The following ALK variants were observed in gnomAD, a reference collection of about 807,000 sequenced individuals.
ALK encodes the protein ALK receptor tyrosine kinase.
A neutral mutation model predicts 163.1 loss-of-function variants in ALK; 74 were observed. That is an observed-to-expected ratio of 0.45 (90% CI 0.38 to 0.55). The LOEUF is 0.55. Ranked by LOEUF, ALK falls within the 20% of genes least tolerant of loss-of-function variation. ALK has a pLI of 0.00. For synonymous variants in ALK, 960 were observed against 843.2 expected (o/e 1.14, Z -2.40); for missense variants, 2,063 against 2,105.3 (o/e 0.98, Z 0.39).
rs959671385 is a variant in ALK, at chr2:29,206,328, G to A, written c.3938+843C>T. Reference sequence around the variant, plus strand: ...TCTTGCTTGCCCAGGCTGGAGTGGAGTGGCATGATCATAGCTCACTGCAGC... The same window carrying A: ...TCTTGCTTGCCCAGGCTGGAGTGGAATGGCATGATCATAGCTCACTGCAGC... On this transcript the variant is annotated intron_variant, in intron 26 of 28. Transcript: ENST00000389048. Among the ~76,000 whole-genome samples, 3 of 150,988 alleles carry A rather than the reference G, an allele frequency of 2.0e-5. No homozygotes were observed. In the South Asian group the frequency reaches 6.3e-4, roughly 32 times the overall value.
intron 1 of ALK, among the ~76,000 whole-genome samples, chr2:29,735,312 C>G (rs143793327): frequency 6.6e-6 from 1 of 152,088 alleles, no homozygotes; most frequent in African/African-American, 2.4e-5. Context: ...ATACTTTTGA[C>G]TGATTCTCTC....
At chr2:29,375,715 A>G (rs1242121006) in intron 5 of ALK, among the ~76,000 whole-genome samples, 1 of 152,198 alleles carries the variant, frequency 6.6e-6, no homozygotes, top group Non-Finnish European at 1.5e-5. Flanking sequence ...TGGCTAGTCT[A>G]TGGCAAGTAA....
At chr2:29,804,707 T>G (rs181387130) in intron 1 of ALK, among the ~76,000 whole-genome samples, 1 of 152,362 alleles carries the variant, frequency 6.6e-6, no homozygotes, top group Non-Finnish European at 1.5e-5. Context: ...TTGGAAAGTA[T>G]GCCCACCCTC....
At chr2:29,402,964 A>C (rs767104628) in intron 4 of ALK, among the ~76,000 whole-genome samples, 1 of 152,188 alleles carries the variant, frequency 6.6e-6, no homozygotes, top group African/African-American at 2.4e-5. Context: ...GTTGTGGCTC[A>C]AAGCAGCTGG....
At chr2:29,817,879 T>C (rs565812389) in intron 1 of ALK, among the ~76,000 whole-genome samples, 59 of 152,172 alleles carry the variant, frequency 3.9e-4, no homozygotes, top group Non-Finnish European at 7.9e-4. Flanking sequence ...ATGCCTTCTA[T>C]AGAAATTGTT....
Position 29,668,723 on chromosome 2 carries a change from A to T in ALK, c.952+26127T>A, listed in dbSNP as rs542218288. On this transcript the variant is annotated intron_variant, in intron 3 of 28. Coordinates refer to ENST00000389048, the MANE Select transcript of ALK (RefSeq NM_004304.5). ...GATTAGTTTATTCTGCACATGTATT[A>T]GTCTGTTCTCATGGTGCTAATAAAG... 3.3e-4 allele frequency among the ~76,000 whole-genome samples: 51 copies of T among 152,248 alleles called. No homozygotes were observed. In the Middle Eastern group the frequency reaches 0.01, roughly 30 times the overall value.
At chr2:29,314,029 C>T (rs1666759912) in intron 8 of ALK, among the ~76,000 whole-genome samples, 1 of 152,124 alleles carries the variant, frequency 6.6e-6, no homozygotes, top group South Asian at 2.1e-4. Context: ...TTCAATAAGC[C>T]CAATCAACAC....
At chr2:29,851,923 T>G (rs1666004313) in intron 1 of ALK, among the ~76,000 whole-genome samples, 1 of 152,222 alleles carries the variant, frequency 6.6e-6, no homozygotes, top group Non-Finnish European at 1.5e-5. Context: ...TCCAAGGGAC[T>G]GGCCAAAAGA....
chr2:29,283,069 C>T (rs767752466), intron 9 of ALK, among the ~76,000 whole-genome samples: 3 of 152,152 alleles, frequency 2.0e-5, no homozygotes, highest in South Asian at 2.1e-4. Context: ...AAGCGAGGGG[C>T]CTGTGCACAA....
chr2:29,375,090 G>C (rs1442930605), intron 5 of ALK, among the ~76,000 whole-genome samples: 5 of 152,140 alleles, frequency 3.3e-5, no homozygotes, highest in Admixed American at 6.5e-5. Flanking sequence ...AGGCCTCAGA[G>C]GAGCCAGTTT....
At chr2:29,772,383 T>C (rs1277468554) in intron 1 of ALK, among the ~76,000 whole-genome samples, 1 of 152,274 alleles carries the variant, frequency 6.6e-6, no homozygotes, top group Non-Finnish European at 1.5e-5. Flanking sequence ...TGCATTGCTA[T>C]ATAATATAAA....
At chr2:29,504,618 G>C (rs1363829307) in intron 4 of ALK, among the ~76,000 whole-genome samples, 2 of 152,086 alleles carry the variant, frequency 1.3e-5, no homozygotes, top group Non-Finnish European at 2.9e-5. Context: ...GAAGAGTGAA[G>C]AGGAGATGAG....
At chr2:29,827,016 G>C (rs112806373) in intron 1 of ALK, among the ~76,000 whole-genome samples, 1,936 of 152,292 alleles carry the variant, frequency 0.013, 18 homozygotes, top group Middle Eastern at 0.031. Flanking sequence ...CCACATATAT[G>C]AACCCAAATC....
At chr2:29,222,657 A>C in intron 20 of ALK, 50 bp from the exon 21 acceptor site, 9 of 1,542,830 alleles carry the variant, frequency 5.8e-6, no homozygotes, top group Non-Finnish European at 8.0e-6. Context: ...GGCCACAATA[A>C]TGAGGCAGCT....
rs528674469 is a variant in ALK, at chr2:29,898,340, C to G, written c.667+21653G>C. ...ATCAAATGCGATTAAGGGAGAGTACCCAACTCACATCCCTTTGATTAACCT... is the reference window on the plus strand; with the variant it reads ...ATCAAATGCGATTAAGGGAGAGTACGCAACTCACATCCCTTTGATTAACCT... On this transcript the variant is annotated intron_variant, in intron 1 of 28. Coordinates refer to ENST00000389048, the MANE Select transcript of ALK (RefSeq NM_004304.5). Among the ~76,000 whole-genome samples the G allele has an allele frequency of 6.6e-5, 10 of 152,238 alleles. No homozygotes were observed. The East Asian group carries it at 1.9e-3, about 29-fold the overall frequency.
At chr2:29,208,662 T>C (rs577115324) in intron 25 of ALK, among the ~76,000 whole-genome samples, 1 of 152,246 alleles carries the variant, frequency 6.6e-6, no homozygotes, top group African/African-American at 2.4e-5. Context: ...TGTTACCATG[T>C]TTGATGGAGG....
chr2:29,207,038 T>G, intron 26 of ALK, 133 bp downstream of exon 26: 1 of 738,100 alleles, frequency 1.4e-6, no homozygotes, highest in South Asian at 1.5e-5. Context: ...GAACCACTGT[T>G]GTCGGGTGTA....
At chr2:29,431,195 A>G (rs2148074224) in intron 4 of ALK, among the ~76,000 whole-genome samples, 1 of 152,296 alleles carries the variant, frequency 6.6e-6, no homozygotes, top group South Asian at 2.1e-4. Flanking sequence ...TTTCTGATAT[A>G]AGACACAAAG....
At chr2:29,294,213 C>T (rs962617613) in intron 9 of ALK, among the ~76,000 whole-genome samples, 1 of 152,140 alleles carries the variant, frequency 6.6e-6, no homozygotes, top group Non-Finnish European at 1.5e-5. Context: ...TCCTTTCTCC[C>T]ATTTTCATCT....
Sources: gnomAD v4.1 joint callset for allele counts (sites outside exome capture counted in the v4.1 genomes callset) on GRCh38, gnomAD v4.1.1 for gene constraint, MANE v1.5 for transcripts, NCBI Gene and HGNC (gene_info 2026-07-23, HGNC 2026-07-21) for gene names.